Variants in CSNK1E observed in about 807,000 individuals in gnomAD.
CSNK1E encodes the protein casein kinase I isoform epsilon.
CSNK1E carries 17 observed loss-of-function variants against 46.1 expected under a neutral mutation model. That is an observed-to-expected ratio of 0.37 (90% CI 0.25 to 0.55). The LOEUF (loss-of-function observed/expected upper bound fraction) is 0.55. CSNK1E is among the 20% of genes least tolerant of loss of function. The pLI, the probability that CSNK1E is intolerant of heterozygous loss-of-function variation, is 0.82. For synonymous variants in CSNK1E, 241 were observed against 242.6 expected (o/e 0.99, Z 0.06); for missense variants, 386 against 595.4 (o/e 0.65, Z 3.66).
intron 7 of CSNK1E, chr22:38,296,513 G>A: frequency 6.3e-7 from 1 of 1,588,204 alleles, no homozygotes; most frequent in Non-Finnish European, 8.6e-7. Context: ...CTTCTGCCAG[G>A]GGACTGCTGG....
Position 38,303,416 on chromosome 22 carries a change from G to A in CSNK1E, c.77-168C>T, listed in dbSNP as rs1305957388. ...AGGGGGCAAAGGAGCCCCGGCAAAG[G>A]GTTCCTGAGGGGAAAGAAGGTCAGC... On this transcript the variant is annotated intron_variant, in intron 2 of 10. Transcript: ENST00000396832. The surrounding 1 kb of genome is among the most constrained non-coding windows in gnomAD (Gnocchi z 4.7). 6.6e-6 allele frequency among the ~76,000 whole-genome samples: 1 copy of A among 152,348 alleles called. No homozygotes were observed. The highest frequency in any genetic ancestry group is 2.4e-5 in the African/African-American group (1 of 41,578).
intron 2 of CSNK1E, among the ~76,000 whole-genome samples, chr22:38,305,155 G>A (rs1452744290): frequency 1.4e-5 from 2 of 146,138 alleles, no homozygotes; most frequent in Non-Finnish European, 3.0e-5. Flanking sequence ...AAAGAAGAGT[G>A]CAAGCACAGT....
At chr22:38,310,330 GC>G (rs1416240731) in intron 2 of CSNK1E, among the ~76,000 whole-genome samples, 1 of 152,146 alleles carries the variant, frequency 6.6e-6, no homozygotes, top group African/African-American at 2.4e-5. Context: ...CCCTAGAGGG[GC>G]TGGGAACTTG....
In CSNK1E at chr22:38,294,037, G is replaced by C; in HGVS notation, c.1218+72C>G. ...GATGGAAAGGGAAGAACAGAGCCAC[G>C]GCCTGACCTCCCACTGGGGGGTCTC... On this transcript the variant is annotated intron_variant, in intron 9 of 10. Transcript: ENST00000396832. The surrounding 1 kb of genome is among the most constrained non-coding windows in gnomAD (Gnocchi z 5.5). The C allele has an allele frequency of 1.3e-6, 2 of 1,532,860 alleles. No homozygotes were observed. The highest frequency in any genetic ancestry group is 2.3e-5 in the South Asian group (2 of 85,496). The allele number at this position is 1,532,860 out of a possible 1,614,324, so 95.0% of individuals were successfully genotyped here.
At position 38,294,420 on chromosome 22, in the gene CSNK1E, T is replaced by C; in HGVS notation, c.1000A>G (p.Thr334Ala). ...ATRALPPGPP[T>A]GATANRLRSA... Reference sequence around the variant, plus strand: ...CGGAGCCGGTTGGCAGTGGCCCCCGTGGGTGGGCCAGGGGGCAGGGCTCGG... The same window carrying C: ...CGGAGCCGGTTGGCAGTGGCCCCCGCGGGTGGGCCAGGGGGCAGGGCTCGG... Residue 334 changes from threonine (T) to alanine (A), a missense_variant, in exon 8 of 11, where the codon ACG (threonine) becomes GCG (alanine). Thr to Ala is a moderately conservative substitution (Grantham distance 58). Transcript: ENST00000396832. The surrounding 1 kb of genome is among the most constrained non-coding windows in gnomAD (Gnocchi z 5.5). 6.4e-7 allele frequency: 1 copy of C among 1,561,202 alleles called. No individual in the cohort carries two copies. The highest frequency in any genetic ancestry group is 1.4e-5 in the African/African-American group (1 of 73,568).
rs2092686357 is a variant in CSNK1E at position 38,303,836 on chromosome 22, G to T, written c.77-588C>A. Among the ~76,000 whole-genome samples the T allele has an allele frequency of 6.6e-6, 1 of 152,140 alleles. No homozygotes were observed. The highest frequency in any genetic ancestry group is 2.4e-5 in the African/African-American group (1 of 41,422). On this transcript the variant is annotated intron_variant, in intron 2 of 10. Coordinates refer to ENST00000396832, the MANE Select transcript of CSNK1E (RefSeq NM_152221.3). This position sits in a 1 kb window ranked among gnomAD's most constrained non-coding sequence, Gnocchi z 4.7. ...AAACAGAGACCCAGCTAGAGACCCA[G>T]CTCAAGGTCACCTGACCTGTAAATG...
chr22:38,313,906 C>A (rs112170596), intron 2 of CSNK1E, among the ~76,000 whole-genome samples, 176 bp downstream of exon 2: 89 of 152,110 alleles, frequency 5.9e-4, no homozygotes, highest in Non-Finnish European at 2.4e-4. Flanking sequence ...GCGAGAGGAG[C>A]CCCCTGGCCT....
rs1163966618 is a variant in CSNK1E, at chr22:38,295,204, GAGA to G, written c.886-673_886-671del. Among the ~76,000 whole-genome samples the G allele has an allele frequency of 6.6e-5, 10 of 152,306 alleles. No homozygotes were observed. In the East Asian group the frequency reaches 1.9e-3, roughly 29 times the overall value. ...TGGGACAGAAGCTCAAGGGGAGCTG[GAGA>G]AGAAAATGGGGCCACGTTCCCCACG... On this transcript the variant is annotated intron_variant, in intron 7 of 10. Transcript: ENST00000396832.
rs1355061015 is a variant in CSNK1E at position 38,293,181 on chromosome 22, T to C, written c.*32+74A>G. 9 of 1,160,996 alleles carry C rather than the reference T, an allele frequency of 7.8e-6. No homozygotes were observed. The Admixed American group carries it at 1.0e-4, about 13-fold the overall frequency. The allele number at this position is 1,160,996 out of a possible 1,614,324, so 71.9% of individuals were successfully genotyped here. On this transcript the variant is annotated intron_variant, in intron 10 of 10. Transcript: ENST00000396832. ...CTGCCACCCACCCCTCCACAACACATTGGTCTCTTTCTGGGGCCCTGGGAG... is the reference window on the plus strand; with the variant it reads ...CTGCCACCCACCCCTCCACAACACACTGGTCTCTTTCTGGGGCCCTGGGAG...
intron 1 of CSNK1E, among the ~76,000 whole-genome samples, chr22:38,314,431 C>G (rs2092734598): frequency 6.6e-6 from 1 of 152,188 alleles, no homozygotes; most frequent in Non-Finnish European, 1.5e-5. Context: ...AGGGGCCCCT[C>G]AAAAGAAGCT....
chr22:38,306,801 T>C (rs2092700735), intron 2 of CSNK1E, among the ~76,000 whole-genome samples: 1 of 152,046 alleles, frequency 6.6e-6, no homozygotes, highest in South Asian at 2.1e-4. Context: ...CGTATCAGCA[T>C]CTGCTGTGGG....
At position 38,298,112 on chromosome 22, in the gene CSNK1E, G is replaced by C. The variant is rs1209777209; in HGVS notation, c.885+674C>G. On this transcript the variant is annotated intron_variant, in intron 7 of 10. Transcript: ENST00000396832. The surrounding 1 kb of genome is among the most constrained non-coding windows in gnomAD (Gnocchi z 4.2). ...TCCTTACCAGTACGTGGGTGAGTAC[G>C]TGGGCCCAGCACAGGGACAGGGGCG... is the stretch of plus-strand genomic sequence containing the variant. The C allele has an allele frequency of 7.9e-7, 1 of 1,273,800 alleles. No homozygotes were observed. Among genetic ancestry groups the C allele is most frequent in the Admixed American group, 2.6e-5 (1 of 39,132 alleles). 78.9% of individuals were successfully genotyped at this position (1,273,800 alleles called of 1,614,324 possible). A position where few individuals can be genotyped will look rare whatever the true frequency, so the allele number is the denominator to read the frequency against.
rs931547576 is a variant in CSNK1E, at chr22:38,303,551, A to G, written c.77-303T>C. ...GGTCAGGTATGCAAAAGGCTCACAG[A>G]CCACCTAAGGGAGGGGGCTGAGTCC... On this transcript the variant is annotated intron_variant, in intron 2 of 10. Transcript: ENST00000396832. This position sits in a 1 kb window ranked among gnomAD's most constrained non-coding sequence, Gnocchi z 4.7. Among the ~76,000 whole-genome samples, 1 of 152,158 alleles carries G rather than the reference A, an allele frequency of 6.6e-6. No individual in the cohort carries two copies. Among genetic ancestry groups the G allele is most frequent in the African/African-American group, 2.4e-5 (1 of 41,422 alleles).
chr22:38,307,099 A>C (rs939208861), intron 2 of CSNK1E, among the ~76,000 whole-genome samples: 1 of 152,108 alleles, frequency 6.6e-6, no homozygotes, highest in African/African-American at 2.4e-5. Context: ...TGAACCTAGT[A>C]AGTCAAGGTT....
At chr22:38,301,785 T>G (rs1162122427) in intron 4 of CSNK1E, among the ~76,000 whole-genome samples, 9 of 152,164 alleles carry the variant, frequency 5.9e-5, no homozygotes, top group Non-Finnish European at 1.5e-5. Context: ...CCTCTGGCTC[T>G]GGCCCCAGGT....
chr22:38,299,844 G>A (rs1476177095), intron 6 of CSNK1E, 51 bp downstream of exon 6: 14 of 1,593,938 alleles, frequency 8.8e-6, no homozygotes, highest in Non-Finnish European at 1.2e-5. Context: ...CTTTCCCTTA[G>A]ACAGTGCCTC....
intron 6 of CSNK1E, among the ~76,000 whole-genome samples, chr22:38,299,463 T>G (rs1319497040): frequency 6.6e-6 from 1 of 151,902 alleles, no homozygotes; most frequent in East Asian, 1.9e-4. Flanking sequence ...TGCCAAGGAG[T>G]GGCAAAGAGC....
rs1366316740 is a variant in CSNK1E, at chr22:38,309,873, A to C, written c.76+4209T>G. ...GCTAGGCAAAGCCTCTGACCCCCGC[A>C]AGTGCTGGAAACCTGCCAGAGCTGC... On this transcript the variant is annotated intron_variant, in intron 2 of 10. Transcript: ENST00000396832. The surrounding 1 kb of genome is among the most constrained non-coding windows in gnomAD (Gnocchi z 4.8). 6.6e-6 allele frequency among the ~76,000 whole-genome samples: 1 copy of C among 152,188 alleles called. No homozygotes were observed. Among genetic ancestry groups the C allele is most frequent in the Non-Finnish European group, 1.5e-5 (1 of 68,024 alleles).
intron 2 of CSNK1E, among the ~76,000 whole-genome samples, chr22:38,306,289 G>A (rs971417212): frequency 1.4e-4 from 21 of 152,156 alleles, no homozygotes; most frequent in African/African-American, 5.1e-4. Flanking sequence ...GGTGGGGGAC[G>A]CTTCACTGGA....
Sources: gnomAD v4.1 joint callset for allele counts (sites outside exome capture counted in the v4.1 genomes callset) on GRCh38, gnomAD v4.1.1 for gene constraint, Gnocchi (gnomAD v3.1) non-coding constraint, MANE v1.5 for transcripts, NCBI Gene and HGNC (gene_info 2026-07-23, HGNC 2026-07-21) for gene names.